Variants in MYOM3 observed in about 807,000 individuals in gnomAD.
MYOM3 encodes myomesin 3.
Under a neutral mutation model 191.7 loss-of-function variants are expected in MYOM3, and 155 were observed. That is an observed-to-expected ratio of 0.81 (90% confidence interval 0.71 to 0.92). The LOEUF is 0.92. Ranked by LOEUF, MYOM3 falls within the 40% of genes least tolerant of loss-of-function variation. The pLI is 0.00. For synonymous variants in MYOM3, 757 were observed against 762.9 expected, an observed-to-expected ratio of 0.99 and a Z score of 0.13; for missense variants, 1,889 against 1,890.6, an observed-to-expected ratio of 1.00 and a Z score of 0.02.
chr1:24,097,086 T>C (rs1346404451), intron 7 of MYOM3, among the ~76,000 whole-genome samples: 1 of 152,224 alleles, frequency 6.6e-6, no homozygotes, highest in Non-Finnish European at 1.5e-5. Context: ...ATGCTGTGAT[T>C]TCAGATGCCC....
At chr1:24,080,359 G>A (rs1386834947) in intron 19 of MYOM3, among the ~76,000 whole-genome samples, 165 bp from the exon 20 acceptor site, 2 of 152,170 alleles carry the variant, frequency 1.3e-5, no homozygotes, top group African/African-American at 4.8e-5. Context: ...GCCAACCTTG[G>A]CTTCATGACA....
At chr1:24,099,841 G>C (rs569064617) in intron 5 of MYOM3, 66 bp from the exon 6 acceptor site, 1 of 1,132,158 alleles carries the variant, frequency 8.8e-7, no homozygotes, top group East Asian at 2.4e-5. Context: ...GGAGCCTCTC[G>C]GATGGGGATT....
At position 24,074,159 on chromosome 1, in the gene MYOM3, C is replaced by T. The variant is rs773853587; in HGVS notation, c.2968+1G>A. 11 of 1,612,096 alleles carry T rather than the reference C, an allele frequency of 6.8e-6. No individual in the cohort carries two copies. In the Admixed American group the frequency reaches 1.7e-4, roughly 24 times the overall value. On this transcript the variant is annotated splice_donor_variant, in intron 23 of 36. Transcript: ENST00000374434. LOFTEE classifies it high-confidence loss of function. ...GGCAGGGAGCGGGGTAGGTGCATTA[C>T]CTTCCTCGGTTAGCGTGTGGCTTGC...
At chr1:24,093,835 T>TC (rs993794424) in intron 9 of MYOM3, among the ~76,000 whole-genome samples, 3 of 152,130 alleles carry the variant, frequency 2.0e-5, no homozygotes, top group African/African-American at 7.2e-5. Flanking sequence ...AGGTGCAGCC[T>TC]CCCTGGGCTC....
At chr1:24,100,025 C>T (rs1185775691) in intron 5 of MYOM3, among the ~76,000 whole-genome samples, 1 of 152,116 alleles carries the variant, frequency 6.6e-6, no homozygotes, top group Non-Finnish European at 1.5e-5. Flanking sequence ...CCTTCCACCA[C>T]GCCCGGCTAA....
chr1:24,101,964 T>G (rs1013486447), intron 5 of MYOM3, among the ~76,000 whole-genome samples: 1 of 152,088 alleles, frequency 6.6e-6, no homozygotes, highest in African/African-American at 2.4e-5. Context: ...GCCTGGATTT[T>G]GACACAGCTT....
intron 10 of MYOM3, among the ~76,000 whole-genome samples, chr1:24,092,641 G>C (rs1557613328): frequency 3.9e-5 from 6 of 151,958 alleles, no homozygotes. Flanking sequence ...AAGTCACCCA[G>C]CTGGTGAAGT....
Position 24,087,309 on chromosome 1 carries a change from C to T in MYOM3, c.1615-482G>A, listed in dbSNP as rs564667157. 1.0e-3 allele frequency among the ~76,000 whole-genome samples: 152 copies of T among 152,298 alleles called. No homozygotes were observed. Among genetic ancestry groups the T allele is most frequent in the African/African-American group, 3.5e-3 (144 of 41,566 alleles). ...CTCAATGGCCTCTTGACTGGTCTCC[C>T]CTCCATTTCTACCTATAACCCCCTT... is the stretch of plus-strand genomic sequence containing the variant. On this transcript the variant is annotated intron_variant, in intron 14 of 36. Transcript: ENST00000374434. The surrounding 1 kb of genome is among the most constrained non-coding windows in gnomAD (Gnocchi z 4.5).
chr1:24,081,290 G>A, intron 19 of MYOM3, 40 bp downstream of exon 19: 1 of 1,609,656 alleles, frequency 6.2e-7, no homozygotes, highest in Non-Finnish European at 8.5e-7. Context: ...GGGAAGGAGG[G>A]AAGGGCAGGC....
Position 24,065,882 on chromosome 1 carries a change from C to T in MYOM3, c.3534+9G>A, listed in dbSNP as rs1362698988. 3.2e-6 allele frequency: 5 copies of T among 1,585,236 alleles called. No homozygotes were observed. The South Asian group carries it at 5.5e-5, about 18-fold the overall frequency. ...AGAAAGTGAGCCCTGAAGCTGGAGC[C>T]ACACTTGCCTCTTCAATGCAGAGAA... On this transcript the variant is annotated intron_variant, in intron 29 of 36. Coordinates refer to ENST00000374434, the MANE Select transcript of MYOM3 (RefSeq NM_152372.4).
rs369571711 is a variant in MYOM3 at position 24,082,105 on chromosome 1, G to C, written c.2176C>G (p.Arg726Gly). The C allele has an allele frequency of 6.2e-7, 1 of 1,613,542 alleles. No individual in the cohort carries two copies. Among genetic ancestry groups the C allele is most frequent in the African/African-American group, 1.3e-5 (1 of 74,890 alleles). The change falls in exon 18 of 37, where the codon CGT becomes GGT. Residue 726 changes from arginine to glycine, a missense_variant. By Grantham distance (125) the Arg-to-Gly change is moderately radical. Transcript: ENST00000374434. ...TAGCCCAGGATCTTGCCACCTCCAC[G>C]ACGCTTGGGGGGTTTCCACCCAATG... ...MVIGWKPPKR[R>G]GGGKILGYFL...
At chr1:24,067,756 C>T (rs111464176) in intron 27 of MYOM3, among the ~76,000 whole-genome samples, 149 of 152,270 alleles carry the variant, frequency 9.8e-4, no homozygotes, top group African/African-American at 3.4e-3. Context: ...GGCACTGTGC[C>T]TGGCTTCAGG....
intron 18 of MYOM3, 83 bp downstream of exon 18, chr1:24,081,918 G>A (rs1183036091): frequency 1.6e-5 from 22 of 1,352,752 alleles, no homozygotes; most frequent in East Asian, 2.4e-5. Context: ...GTCAGCCTCT[G>A]TCAGACTCCA....
chr1:24,067,344 C>CCTTCTTTCTT (rs1365027811), intron 27 of MYOM3, among the ~76,000 whole-genome samples: 2 of 74,322 alleles, frequency 2.7e-5, no homozygotes, highest in Non-Finnish European at 5.5e-5. Context: ...TTCTTTCTTT[C>CCTTCTTTCTT]TTTCTTTCTT....
chr1:24,078,974 C>T (rs1643635263), intron 20 of MYOM3, among the ~76,000 whole-genome samples: 1 of 152,206 alleles, frequency 6.6e-6, no homozygotes, highest in South Asian at 2.1e-4. Flanking sequence ...CAGAACAAAA[C>T]TAGTGATTCT....
intron 1 of MYOM3, among the ~76,000 whole-genome samples, chr1:24,109,373 T>C (rs919475406): frequency 2.1e-5 from 3 of 145,756 alleles, no homozygotes; most frequent in African/African-American, 4.9e-5. Context: ...GTTAGATGAG[T>C]GCTTGGGGCT....
In MYOM3 at chr1:24,063,971, C is replaced by G; in HGVS notation, c.3622+101G>C. 1 of 904,728 alleles carries G rather than the reference C, an allele frequency of 1.1e-6. No homozygotes were observed. Among genetic ancestry groups the G allele is most frequent in the Non-Finnish European group, 1.7e-6 (1 of 575,204 alleles). 56.0% of individuals were successfully genotyped at this position (904,728 alleles called of 1,614,324 possible). ...TTAATCTCTTTGTGCCTCAATTTCT[C>G]CAAGTGACATGGGGATCCCATAAAT... On this transcript the variant is annotated intron_variant, in intron 30 of 36. Coordinates refer to ENST00000374434, the MANE Select transcript of MYOM3 (RefSeq NM_152372.4). This position sits in a 1 kb window ranked among gnomAD's most constrained non-coding sequence, Gnocchi z 4.5.
At chr1:24,100,487 G>T (rs1302348527) in intron 5 of MYOM3, among the ~76,000 whole-genome samples, 2 of 152,014 alleles carry the variant, frequency 1.3e-5, no homozygotes, top group African/African-American at 2.4e-5. Flanking sequence ...CTCCGAAGGG[G>T]CTTGCCGTGG....
intron 35 of MYOM3, among the ~76,000 whole-genome samples, chr1:24,059,871 C>G (rs1242926845): frequency 3.9e-5 from 6 of 152,150 alleles, no homozygotes; most frequent in Non-Finnish European, 7.4e-5. Flanking sequence ...GACCAGGGAT[C>G]AGGGATGTGC....
Sources: gnomAD v4.1 joint callset for allele counts (sites outside exome capture counted in the v4.1 genomes callset) on GRCh38, gnomAD v4.1.1 for gene constraint, Gnocchi (gnomAD v3.1) non-coding constraint, MANE v1.5 for transcripts, NCBI Gene and HGNC (gene_info 2026-07-23, HGNC 2026-07-21) for gene names.